Variants in WASHC3 observed in about 807,000 individuals in gnomAD.
The protein encoded by WASHC3 is WASH complex subunit CCDC53.
In WASHC3, 24 loss-of-function variants were observed where a neutral mutation model predicts 26.1. The observed-to-expected ratio is 0.92, with a 90% CI of 0.66 to 1.29. WASHC3 has a LOEUF of 1.29. Ranked by LOEUF, WASHC3 falls within the 50% of genes most tolerant of loss-of-function variation. The pLI is 0.00. For synonymous variants in WASHC3, 77 were observed against 75.7 expected (o/e 1.02, Z -0.09); for missense variants, 214 against 229.6 (o/e 0.93, Z 0.44).
At chr12:102,055,805 T>C (rs1223280218) in intron 2 of WASHC3, among the ~76,000 whole-genome samples, 2 of 152,236 alleles carry the variant, frequency 1.3e-5, no homozygotes, top group East Asian at 3.8e-4. Flanking sequence ...AATTTTTTGT[T>C]TCTGTCCTGT....
intron 5 of WASHC3, among the ~76,000 whole-genome samples, chr12:102,033,603 A>G (rs1301818586): frequency 1.3e-5 from 2 of 152,122 alleles, no homozygotes; most frequent in African/African-American, 4.8e-5. Flanking sequence ...TTTCCCTTTC[A>G]CAAGGTGAAA....
intron 5 of WASHC3, among the ~76,000 whole-genome samples, chr12:102,029,837 CTT>C (rs1877356949): frequency 6.6e-6 from 1 of 152,062 alleles, no homozygotes; most frequent in African/African-American, 2.4e-5. Flanking sequence ...GTGGAAAAAA[CTT>C]TTTCTTTGCA....
chr12:102,026,820 C>A (rs940680656), intron 5 of WASHC3, among the ~76,000 whole-genome samples: 1 of 152,110 alleles, frequency 6.6e-6, no homozygotes, highest in Non-Finnish European at 1.5e-5. Context: ...TCACACCATC[C>A]CCAAGGATAA....
chr12:102,012,883 T>A lies in WASHC3; in HGVS notation c.*225A>T, dbSNP rs1876536846. ...TTAGTATTTGTAGCACTAATTGTAC[T>A]TTATTTAGGTTATCCTATTTTTCAT... On this transcript the variant is annotated 3_prime_UTR_variant, in exon 7 of 7. Transcript: ENST00000240079. 2.6e-6 allele frequency: 1 copy of A among 381,290 alleles called. No homozygotes were observed. Among genetic ancestry groups the A allele is most frequent in the Non-Finnish European group, 4.7e-6 (1 of 213,996 alleles). The allele number at this position is 381,290 out of a possible 1,614,324, so 23.6% of individuals were successfully genotyped here.
chr12:102,051,651 G>C (rs1033455401), intron 2 of WASHC3, among the ~76,000 whole-genome samples: 1 of 152,158 alleles, frequency 6.6e-6, no homozygotes. Flanking sequence ...AAAATCAGTG[G>C]GAATCCAGTT....
chr12:102,025,288 C>T (rs529554213), intron 6 of WASHC3, among the ~76,000 whole-genome samples: 246 of 152,088 alleles, frequency 1.6e-3, no homozygotes, highest in Admixed American at 3.2e-3. Flanking sequence ...GAATGCATTA[C>T]GATATATTTT....
chr12:102,035,694 A>G (rs149191395), intron 5 of WASHC3, among the ~76,000 whole-genome samples: 1 of 152,336 alleles, frequency 6.6e-6, no homozygotes, highest in Non-Finnish European at 1.5e-5. Context: ...ATATTGATTG[A>G]GCACCTTTAT....
intron 2 of WASHC3, among the ~76,000 whole-genome samples, chr12:102,056,847 A>G (rs1323172000): frequency 6.6e-6 from 1 of 152,174 alleles, no homozygotes; most frequent in East Asian, 1.9e-4. Flanking sequence ...TTAAAGAAGA[A>G]CTAATACAAA....
intron 2 of WASHC3, among the ~76,000 whole-genome samples, chr12:102,049,529 T>C (rs898170972): frequency 6.6e-5 from 10 of 151,940 alleles, no homozygotes; most frequent in Non-Finnish European, 1.2e-4. Context: ...TTACTACCCA[T>C]GTATTTCCAA....
intron 2 of WASHC3, among the ~76,000 whole-genome samples, chr12:102,054,448 C>T (rs1260972140): frequency 4.6e-5 from 7 of 152,130 alleles, no homozygotes; most frequent in South Asian, 2.1e-4. Context: ...GATGCCAAGG[C>T]GGGAGGATCC....
At chr12:102,048,098 C>T (rs962772770) in intron 2 of WASHC3, among the ~76,000 whole-genome samples, 3 of 152,074 alleles carry the variant, frequency 2.0e-5, no homozygotes, top group Admixed American at 1.3e-4. Context: ...ATGATCAATT[C>T]GTTTCTCACT....
rs114871842 is a variant in WASHC3, at chr12:102,019,282, T to A, written c.501-6090A>T. On this transcript the variant is annotated intron_variant, in intron 6 of 6. Transcript: ENST00000240079. Reference sequence around the variant, plus strand: ...CTAGTAATAATAAAACTCACAGCAATACCATCATTTCCAGGCGGGATATTC... The same window carrying A: ...CTAGTAATAATAAAACTCACAGCAAAACCATCATTTCCAGGCGGGATATTC... 7.9e-4 allele frequency: 218 copies of A among 276,022 alleles called. 1 individual carries two copies. Among genetic ancestry groups the A allele is most frequent in the African/African-American group, 4.7e-3 (205 of 43,262 alleles). 17.1% of individuals were successfully genotyped at this position (276,022 alleles called of 1,614,324 possible).
chr12:102,029,077 G>T (rs1000618304), intron 5 of WASHC3, among the ~76,000 whole-genome samples: 3 of 152,118 alleles, frequency 2.0e-5, no homozygotes, highest in African/African-American at 7.2e-5. Flanking sequence ...AGAATAATTT[G>T]GCCTGTGTTC....
chr12:102,048,218 T>G (rs1339865035), intron 2 of WASHC3: 1 of 152,146 alleles, frequency 6.6e-6, no homozygotes, highest in East Asian at 1.9e-4. Context: ...GAGAAAAAAT[T>G]CTACCTTTAT....
In WASHC3 at chr12:102,025,796, T is replaced by C. The variant is rs1220082756; in HGVS notation, c.500+178A>G. ...TCCTAAAATGTGTAAAGGCTGGTCTTAGTAGAATATGATATTTTTCTGTTT... is the reference window on the plus strand; with the variant it reads ...TCCTAAAATGTGTAAAGGCTGGTCTCAGTAGAATATGATATTTTTCTGTTT... On this transcript the variant is annotated intron_variant, in intron 6 of 6. Transcript: ENST00000240079. 5.0e-5 allele frequency: 28 copies of C among 558,122 alleles called. No individual in the cohort carries two copies. In the Admixed American group the frequency reaches 9.1e-4, roughly 18 times the overall value. 34.6% of individuals were successfully genotyped at this position (558,122 alleles called of 1,614,324 possible). A position where few individuals can be genotyped will look rare whatever the true frequency, so the allele number is the denominator to read the frequency against.
At chr12:102,013,983 T>C (rs1023254166) in intron 6 of WASHC3, among the ~76,000 whole-genome samples, 1 of 151,808 alleles carries the variant, frequency 6.6e-6, no homozygotes, top group Non-Finnish European at 1.5e-5. Context: ...ACTTAGCCTC[T>C]ATTCACTCTT....
intron 2 of WASHC3, among the ~76,000 whole-genome samples, chr12:102,052,104 TAC>T (rs1246339274): frequency 3.3e-5 from 5 of 152,022 alleles, no homozygotes; most frequent in African/African-American, 1.2e-4. Flanking sequence ...CGCACGAAAA[TAC>T]ATTCTCAAGA....
intron 3 of WASHC3, among the ~76,000 whole-genome samples, chr12:102,044,424 T>C (rs1456327013): frequency 1.3e-5 from 2 of 152,232 alleles, no homozygotes; most frequent in Non-Finnish European, 2.9e-5. Context: ...AACCATCATT[T>C]TCAAAATATA....
intron 2 of WASHC3, among the ~76,000 whole-genome samples, chr12:102,060,711 T>C (rs755151180): frequency 5.3e-5 from 8 of 152,086 alleles, no homozygotes; most frequent in Non-Finnish European, 8.8e-5. Flanking sequence ...ATCCCAGCAC[T>C]TTGGGAGGCC....
Sources: gnomAD v4.1 joint callset for allele counts (sites outside exome capture counted in the v4.1 genomes callset) on GRCh38, gnomAD v4.1.1 for gene constraint, MANE v1.5 for transcripts, NCBI Gene and HGNC (gene_info 2026-07-23, HGNC 2026-07-21) for gene names.